Variants in MYBPC3 observed in about 807,000 individuals in gnomAD.
MYBPC3 encodes the protein myosin binding protein C3.
MYBPC3 carries 108 observed loss-of-function variants against 159.3 expected under a neutral mutation model. That is an observed-to-expected ratio of 0.68 (90% CI 0.58 to 0.80). The LOEUF (loss-of-function observed/expected upper bound fraction) is 0.80, where lower values mean the gene tolerates loss of function less well. Among genes scored for constraint, MYBPC3 ranks in the 30% least tolerant of loss-of-function variants. The probability of loss-of-function intolerance (pLI) is 0.00; values close to 1 mark genes in which losing one functional copy is unlikely to be tolerated. For synonymous variants in MYBPC3, 730 were observed against 702.0 expected, an observed-to-expected ratio of 1.04 and a Z score of -0.63; for missense variants, 1,631 against 1,762.1, an observed-to-expected ratio of 0.93 and a Z score of 1.33.
At position 47,351,182 on chromosome 11, in the gene MYBPC3, C is replaced by CGGGGGGGG; in HGVS notation, c.292+56_292+57insCCCCCCCC. 1 of 1,451,566 alleles carries CGGGGGGGG rather than the reference C, an allele frequency of 6.9e-7. No individual in the cohort carries two copies. The highest frequency in any genetic ancestry group is 9.2e-7 in the Non-Finnish European group (1 of 1,091,534). 89.9% of individuals were successfully genotyped at this position (1,451,566 alleles called of 1,614,324 possible). A position where few individuals can be genotyped will look rare whatever the true frequency, so the allele number is the denominator to read the frequency against. On this transcript the variant is annotated intron_variant, in intron 2 of 34. Coordinates refer to ENST00000545968, the MANE Select transcript of MYBPC3 (RefSeq NM_000256.3). The surrounding 1 kb of genome is among the most constrained non-coding windows in gnomAD (Gnocchi z 4.2). ...TGTTCCCTGGATGGATGGAGAGTCG[C>CGGGGGGGG]TGGGCTGCCCCTCCCCCAGCAGCCC...
chr11:47,349,513 C>T (rs1170649296), intron 5 of MYBPC3, among the ~76,000 whole-genome samples: 5 of 147,584 alleles, frequency 3.4e-5, no homozygotes, highest in African/African-American at 7.4e-5. Context: ...TTATTAGGTG[C>T]CCCCTTGAGG....
At position 47,333,695 on chromosome 11, in the gene MYBPC3, C is replaced by T. The variant is rs372003333; in HGVS notation, c.3052G>A (p.Glu1018Lys). ...GTGGGGCTGTTGCGGATGCTCACCTCCTCGCCTGCCAGGGGCTGCCCCTCT... is the reference window on the plus strand; with the variant it reads ...GTGGGGCTGTTGCGGATGCTCACCTTCTCGCCTGCCAGGGGCTGCCCCTCT... ...TKEGQPLAGE[E>K]VSIRNSPTDT... The change falls in exon 29 of 35, where the codon GAG becomes AAG. Residue 1018 changes from glutamate (E) to lysine (K), a missense_variant. By Grantham distance (56) the Glu-to-Lys change is moderately conservative (BLOSUM62 1). Transcript: ENST00000545968. 6.2e-7 allele frequency: 1 copy of T among 1,610,618 alleles called. No homozygotes were observed. The highest frequency in any genetic ancestry group is 1.3e-5 in the African/African-American group (1 of 74,936).
At position 47,342,932 on chromosome 11, in the gene MYBPC3, G is replaced by T. The variant is rs730880536; in HGVS notation, c.1355C>A (p.Pro452His). The T allele has an allele frequency of 6.2e-7, 1 of 1,611,400 alleles. No homozygotes were observed. The highest frequency in any genetic ancestry group is 1.3e-5 in the African/African-American group (1 of 75,014). ...CAAGGGGCGCGTGATGAGCACAGGGGGCTCTGTCCAGGCAGGGTGAGCATG... is the reference window on the plus strand; with the variant it reads ...CAAGGGGCGCGTGATGAGCACAGGGTGCTCTGTCCAGGCAGGGTGAGCATG... ...KCSTELFVKE[P>H]PVLITRPLED... The change falls in exon 16 of 35, where the codon CCC becomes CAC. Residue 452 changes from proline to histidine, a missense_variant. By Grantham distance (77) the Pro-to-His change is moderately conservative. Transcript: ENST00000545968.
Position 47,349,763 on chromosome 11 carries a change from G to A in MYBPC3, c.654+11C>T, listed in dbSNP as rs535977390. 164 of 1,601,256 alleles carry A rather than the reference G, an allele frequency of 1.0e-4. 1 individual carries two copies. Among genetic ancestry groups the A allele is most frequent in the Middle Eastern group, 7.0e-4 (4 of 5,698 alleles). On this transcript the variant is annotated intron_variant, in intron 5 of 34. Transcript: ENST00000545968. Reference sequence around the variant, plus strand: ...CCTCTCTCCGTGTCTCCACGACCCCGGTGGACCCACCTTGCTGGCGCGGTC... The same window carrying A: ...CCTCTCTCCGTGTCTCCACGACCCCAGTGGACCCACCTTGCTGGCGCGGTC...
At chr11:47,339,854 C>T in intron 20 of MYBPC3, 64 bp from the exon 21 acceptor site, 9 of 1,558,056 alleles carry the variant, frequency 5.8e-6, no homozygotes, top group South Asian at 3.5e-5. Context: ...GTCACTGGGG[C>T]GGGGCTGCTC....
intron 23 of MYBPC3, 87 bp from the exon 24 acceptor site, chr11:47,337,881 C>A: frequency 9.0e-7 from 1 of 1,110,720 alleles, no homozygotes; most frequent in Non-Finnish European, 1.3e-6. Context: ...CTCCAACTAA[C>A]CGCCACAGGC....
At position 47,340,984 on chromosome 11, in the gene MYBPC3, CAG is replaced by C. The variant is rs1340972458; in HGVS notation, c.1927+17_1927+18del. 2 of 1,551,032 alleles carry C rather than the reference CAG, an allele frequency of 1.3e-6. No homozygotes were observed. Among genetic ancestry groups the C allele is most frequent in the East Asian group, 2.4e-5 (1 of 41,972 alleles). ...CGGGAAAGTGAGCAGAACCAAGACT[CAG>C]GGGCCCCAAGACTTACCCTGCCTGG... On this transcript the variant is annotated intron_variant, in intron 20 of 34. Transcript: ENST00000545968.
At chr11:47,340,120 TACAC>T (rs145375791) in intron 20 of MYBPC3, among the ~76,000 whole-genome samples, 3 of 149,562 alleles carry the variant, frequency 2.0e-5, no homozygotes, top group South Asian at 2.1e-4. Flanking sequence ...ACACACACAA[TACAC>T]ACACACACAC....
intron 8 of MYBPC3, 67 bp from the exon 9 acceptor site, chr11:47,347,546 G>T: frequency 1.3e-6 from 2 of 1,564,282 alleles, no homozygotes; most frequent in South Asian, 2.4e-5. Flanking sequence ...CAGGATGGGA[G>T]TGGAGTGGGG....
At chr11:47,343,351 CAA>C in intron 13 of MYBPC3, 89 bp from the exon 14 acceptor site, 1 of 1,490,004 alleles carries the variant, frequency 6.7e-7, no homozygotes, top group Admixed American at 2.3e-5. Flanking sequence ...CCGGCAGGAG[CAA>C]AAGGATGGGA....
chr11:47,339,494 C>T, intron 21 of MYBPC3, 90 bp from the exon 22 acceptor site: 1 of 1,513,056 alleles, frequency 6.6e-7, no homozygotes, highest in South Asian at 1.2e-5. Flanking sequence ...CCCTGACCCA[C>T]ACTGCCCACC....
chr11:47,352,423 T>G (rs2095901788), intron 1 of MYBPC3, among the ~76,000 whole-genome samples, 200 bp downstream of exon 1: 1 of 152,000 alleles, frequency 6.6e-6, no homozygotes, highest in Non-Finnish European at 1.5e-5. Flanking sequence ...GACCTTGGGT[T>G]TACCTTCACC....
intron 23 of MYBPC3, 126 bp from the exon 24 acceptor site, chr11:47,337,920 A>C: frequency 1.6e-6 from 1 of 632,068 alleles, no homozygotes; most frequent in Non-Finnish European, 2.6e-6. Context: ...ATCCAAAGAG[A>C]TCTTTCTAGA....
intron 25 of MYBPC3, 85 bp downstream of exon 25, chr11:47,337,306 A>G: frequency 2.1e-6 from 3 of 1,402,752 alleles, no homozygotes; most frequent in South Asian, 2.7e-5. Context: ...AGTGTCTAGC[A>G]TGGCTGCCTG....
Position 47,348,281 on chromosome 11 carries a change from AC to A in MYBPC3, c.772+142del, listed in dbSNP as rs2095896475. The A allele has an allele frequency of 2.1e-5, 14 of 666,198 alleles. 1 individual carries two copies. The South Asian group carries it at 2.7e-4, about 13-fold the overall frequency. The allele number at this position is 666,198 out of a possible 1,614,324, so 41.3% of individuals were successfully genotyped here. ...CTGCAAGCCTTGGGGTTTCTCTCAC[AC>A]CCTGTGTGTGCAGCACTGGGCACGT... On this transcript the variant is annotated intron_variant, in intron 6 of 34. Transcript: ENST00000545968.
In MYBPC3 at chr11:47,351,189, G is replaced by GGGGCCCA; in HGVS notation, c.292+49_292+50insTGGGCCC. On this transcript the variant is annotated intron_variant, in intron 2 of 34. Coordinates refer to ENST00000545968, the MANE Select transcript of MYBPC3 (RefSeq NM_000256.3). The surrounding 1 kb of genome is among the most constrained non-coding windows in gnomAD (Gnocchi z 4.2). ...TGGATGGATGGAGAGTCGCTGGGCT[G>GGGGCCCA]CCCCTCCCCCAGCAGCCCAAACCTC... The GGGGCCCA allele has an allele frequency of 4.1e-6, 6 of 1,449,112 alleles. No individual in the cohort carries two copies. Among genetic ancestry groups the GGGGCCCA allele is most frequent in the East Asian group, 2.6e-5 (1 of 38,930 alleles). 89.8% of individuals were successfully genotyped at this position (1,449,112 alleles called of 1,614,324 possible).
rs200399246 is a variant in MYBPC3 at position 47,338,658 on chromosome 11, G to A, written c.2170C>T (p.Arg724Trp). ...TCCTTGGTGGTCTCCACGCGGACCC[G>A]GCCCTCGGTCTCACACAGCAGCTGG... is the stretch of plus-strand genomic sequence containing the variant. ...DKKLLCETEGRVRVETTKDRS... is the reference protein window; with the variant it reads ...DKKLLCETEGWVRVETTKDRS... The change falls in exon 23 of 35, where the codon CGG becomes TGG. Residue 724 changes from arginine to tryptophan, a missense_variant. Coordinates refer to ENST00000545968, the MANE Select transcript of MYBPC3 (RefSeq NM_000256.3). The surrounding 1 kb of genome is among the most constrained non-coding windows in gnomAD (Gnocchi z 4.7). The A allele has an allele frequency of 2.5e-5, 41 of 1,612,914 alleles. No individual in the cohort carries two copies. The highest frequency in any genetic ancestry group is 5.5e-5 in the South Asian group (5 of 90,892).
In MYBPC3 at chr11:47,347,902, G is replaced by T; in HGVS notation, c.776C>A (p.Ala259Asp). 1 of 1,573,072 alleles carries T rather than the reference G, an allele frequency of 6.4e-7. No homozygotes were observed. Among genetic ancestry groups the T allele is most frequent in the African/African-American group, 1.4e-5 (1 of 74,036 alleles). ...CSNFNLTVHEAMGTGDLDLLS... is the reference protein window; with the variant it reads ...CSNFNLTVHEDMGTGDLDLLS... ...GAGGTCCAGGTCTCCGGTGCCCATG[G>T]CCTCTGGGTTCAAAGGGTGGAGAGA... The change falls in exon 7 of 35, where the codon GCC (alanine) becomes GAC (aspartate). Residue 259 changes from alanine (A) to aspartate (D), a missense_variant. Physicochemically the swap from Ala to Asp is moderately radical, Grantham distance 126. Transcript: ENST00000545968.
At chr11:47,340,156 CACACAT>C (rs1177654838) in intron 20 of MYBPC3, among the ~76,000 whole-genome samples, 2 of 151,948 alleles carry the variant, frequency 1.3e-5, no homozygotes, top group South Asian at 2.1e-4. Flanking sequence ...TACACACAGA[CACACAT>C]ACACATACAC....
Sources: allele counts gnomAD v4.1 joint callset (sites outside exome capture counted in the v4.1 genomes callset), GRCh38; gene constraint gnomAD v4.1.1; non-coding constraint Gnocchi (gnomAD v3.1); transcripts MANE v1.5; gene names NCBI Gene and HGNC (gene_info 2026-07-23, HGNC 2026-07-21).